Variants in SMPX observed in about 807,000 individuals in gnomAD.
The protein encoded by SMPX is small muscular protein.
Under a neutral mutation model 6.3 loss-of-function variants are expected in SMPX, and 2 were observed. That is an observed-to-expected ratio of 0.32 (90% CI 0.13 to 0.99). The LOEUF (loss-of-function observed/expected upper bound fraction) is 0.99, where lower values mean the gene tolerates loss of function less well. Ranked by LOEUF, SMPX falls within the 50% of genes least tolerant of loss-of-function variation. The pLI is 0.49. For synonymous variants in SMPX, 32 were observed against 24.7 expected (o/e 1.30, Z -0.88); for missense variants, 60 against 66.8 (o/e 0.90, Z 0.36).
At chrX:21,737,873 A>C (rs1274194521) in intron 3 of SMPX, among the ~76,000 whole-genome samples, 176 bp from the exon 4 acceptor site, 1 of 112,551 alleles carries the variant, frequency 8.9e-6, no homozygotes, top group African/African-American at 3.2e-5. Flanking sequence ...AAATCTCCTA[A>C]AGTTTGTTGT....
intron 4 of SMPX, among the ~76,000 whole-genome samples, chrX:21,731,417 A>G (rs1373594611): frequency 1.2e-5 from 1 of 80,454 alleles, no homozygotes; most frequent in African/African-American, 4.6e-5. Context: ...TATAATATAT[A>G]TACACACATA....
At chrX:21,717,676 A>G (rs1411370787) in intron 4 of SMPX, among the ~76,000 whole-genome samples, 1 of 112,337 alleles carries the variant, frequency 8.9e-6, no homozygotes, top group Non-Finnish European at 1.9e-5. Context: ...TAGAAGGAAA[A>G]TCAGACAGAA....
At chrX:21,747,046 T>C (rs1261079628) in intron 2 of SMPX, among the ~76,000 whole-genome samples, 1 of 111,755 alleles carries the variant, frequency 8.9e-6, no homozygotes, top group Non-Finnish European at 1.9e-5. Flanking sequence ...TACCTACAAA[T>C]TGAGTGTATT....
chrX:21,744,022 C>A (rs1037545941), intron 2 of SMPX, among the ~76,000 whole-genome samples, 186 bp from the exon 3 acceptor site: 10 of 112,155 alleles, frequency 8.9e-5, no homozygotes, highest in African/African-American at 3.2e-4. Context: ...CCATTTATTA[C>A]AGATTACATT....
chrX:21,739,400 T>C (rs764726963), intron 3 of SMPX, among the ~76,000 whole-genome samples: 1 of 112,270 alleles, frequency 8.9e-6, no homozygotes, highest in African/African-American at 3.2e-5. Context: ...TCTGGTACAG[T>C]GCTGATGAAA....
intron 4 of SMPX, among the ~76,000 whole-genome samples, chrX:21,722,503 A>G (rs774930785): frequency 8.9e-6 from 1 of 112,459 alleles, no homozygotes; most frequent in African/African-American, 3.2e-5. Context: ...TAAGAAAAAA[A>G]ACAGATGATG....
At chrX:21,715,462 G>T (rs762621352) in intron 4 of SMPX, among the ~76,000 whole-genome samples, 2 of 111,299 alleles carry the variant, frequency 1.8e-5, no homozygotes, top group African/African-American at 6.6e-5. Flanking sequence ...CTGGAAGTGC[G>T]ATCAGTAATT....
chrX:21,735,963 G>A (rs1461851060), intron 4 of SMPX, among the ~76,000 whole-genome samples: 4 of 111,552 alleles, frequency 3.6e-5, no homozygotes, highest in South Asian at 3.8e-4. Context: ...CACATGTCAG[G>A]TTAGTTCCTG....
At chrX:21,714,170 C>G (rs1237836778) in intron 4 of SMPX, among the ~76,000 whole-genome samples, 1 of 111,667 alleles carries the variant, frequency 9.0e-6, no homozygotes, top group Non-Finnish European at 1.9e-5. Flanking sequence ...AACCATCAAT[C>G]ATGAGATAAG....
At chrX:21,741,221 A>G (rs746364568) in intron 3 of SMPX, among the ~76,000 whole-genome samples, 4 of 112,083 alleles carry the variant, frequency 3.6e-5, no homozygotes, top group Admixed American at 2.8e-4. Context: ...TCAGGATCAA[A>G]AGTCCTTCTG....
At chrX:21,738,867 T>C (rs983796121) in intron 3 of SMPX, among the ~76,000 whole-genome samples, 9 of 110,613 alleles carry the variant, frequency 8.1e-5, no homozygotes, top group Admixed American at 1.9e-4. Flanking sequence ...CCTCTATCCC[T>C]CTCTCCCTCC....
intron 4 of SMPX, among the ~76,000 whole-genome samples, chrX:21,715,295 TGTGTGTGTGCGCGCAC>T (rs1323680030): frequency 1.0e-4 from 10 of 100,029 alleles, no homozygotes; most frequent in African/African-American, 4.6e-4. Context: ...TGTGTGTGTG[TGTGTGTGTGCGCGCAC>T]GCGCGCGCGC....
intron 4 of SMPX, among the ~76,000 whole-genome samples, chrX:21,730,729 A>G (rs1296987612): frequency 3.6e-5 from 4 of 112,344 alleles, no homozygotes; most frequent in Non-Finnish European, 7.5e-5. Context: ...GGGAAATACC[A>G]AAGTCAGTAT....
Position 21,756,889 on chromosome X carries a change from A to G in SMPX, c.-13+1053T>C, listed in dbSNP as rs1348415682. On this transcript the variant is annotated intron_variant, in intron 1 of 4. Coordinates refer to ENST00000379494, the MANE Select transcript of SMPX (RefSeq NM_014332.3). ...GCATATATTGACTTTTACAAAGCCT[A>G]TAGTATAATGAAAATGCTTGCCAGC... Among the ~76,000 whole-genome samples the G allele has an allele frequency of 7.1e-5, 8 of 112,464 alleles. No homozygotes were observed. In the East Asian group the frequency reaches 2.2e-3, roughly 31 times the overall value.
chrX:21,706,767 C>T (rs1010648522), intron 4 of SMPX, among the ~76,000 whole-genome samples: 2 of 110,218 alleles, frequency 1.8e-5, no homozygotes, highest in African/African-American at 6.6e-5. Flanking sequence ...GGGCGGTTCC[C>T]CCCATACTAT....
rs1410078242 is a variant in SMPX at position 21,758,005 on chromosome X, G to C, written c.-76C>G. 1 of 327,656 alleles carries C rather than the reference G, an allele frequency of 3.1e-6. No individual in the cohort carries two copies. Among genetic ancestry groups the C allele is most frequent in the Non-Finnish European group, 5.9e-6 (1 of 169,773 alleles). 27.0% of individuals were successfully genotyped at this position (327,656 alleles called of 1,213,427 possible). On this transcript the variant is annotated 5_prime_UTR_variant, in exon 1 of 5. Transcript: ENST00000379494. ...AGGCAGCCAGATGCAAGAATACAAA[G>C]CTCCTTGGAAGGTGGAAGGGGCGCC...
intron 3 of SMPX, among the ~76,000 whole-genome samples, chrX:21,741,725 G>T (rs779014331): frequency 9.0e-6 from 1 of 110,734 alleles, no homozygotes; most frequent in South Asian, 3.9e-4. Context: ...AGAAAGGTAT[G>T]GTACAGTTCA....
intron 4 of SMPX, among the ~76,000 whole-genome samples, chrX:21,710,120 C>G (rs1249436682): frequency 2.7e-5 from 3 of 111,774 alleles, no homozygotes. Flanking sequence ...CGACTGGGTT[C>G]AGCTTATAGG....
chrX:21,713,369 C>T (rs2092780813), intron 4 of SMPX, among the ~76,000 whole-genome samples: 1 of 111,521 alleles, frequency 9.0e-6, no homozygotes, highest in African/African-American at 3.3e-5. Flanking sequence ...TTTTGCAAAA[C>T]TTGTAAAATT....
Sources: allele counts gnomAD v4.1 joint callset (sites outside exome capture counted in the v4.1 genomes callset), GRCh38; gene constraint gnomAD v4.1.1; transcripts MANE v1.5; gene names NCBI Gene and HGNC (gene_info 2026-07-23, HGNC 2026-07-21).